HIVEP1: variants seen among roughly 807,000 people sequenced by gnomAD.
HIVEP1 encodes HIVEP zinc finger 1.
HIVEP1 carries 36 observed loss-of-function variants against 180.0 expected under a neutral mutation model. That is an observed-to-expected ratio of 0.20 (90% CI 0.15 to 0.26). The LOEUF is 0.26. Ranked by LOEUF, HIVEP1 falls within the 10% of genes least tolerant of loss-of-function variation. The probability of loss-of-function intolerance (pLI) is 1.00; values close to 1 mark genes in which losing one functional copy is unlikely to be tolerated. For missense variants in HIVEP1, 3,143 were observed against 3,268.7 expected (o/e 0.96, Z 0.94); for synonymous variants, 1,239 against 1,239.0 (o/e 1.00, Z 0.00).
At chr6:12,039,744 C>T (rs1769546013) in intron 2 of HIVEP1, among the ~76,000 whole-genome samples, 1 of 152,160 alleles carries the variant, frequency 6.6e-6, no homozygotes, top group South Asian at 2.1e-4. Context: ...AGGTTGCTGT[C>T]ATAACCCCCA....
rs545619221 is a variant in HIVEP1, at chr6:12,091,750, A to G, written c.94+2513A>G. Among the ~76,000 whole-genome samples, 171 of 152,210 alleles carry G rather than the reference A, an allele frequency of 1.1e-3. No homozygotes were observed. In the South Asian group the frequency reaches 0.013, roughly 12 times the overall value. On this transcript the variant is annotated intron_variant, in intron 3 of 8. Transcript: ENST00000379388. ...ATTTGATTTATTTTGATTTTAATCAATTTAGGGATAGAGATAAGGATGCAA... is the reference window on the plus strand; with the variant it reads ...ATTTGATTTATTTTGATTTTAATCAGTTTAGGGATAGAGATAAGGATGCAA...
At position 12,084,414 on chromosome 6, in the gene HIVEP1, T is replaced by C. The variant is rs181149479; in HGVS notation, c.41-4770T>C. On this transcript the variant is annotated intron_variant, in intron 2 of 8. Coordinates refer to ENST00000379388, the MANE Select transcript of HIVEP1 (RefSeq NM_002114.4). ...GAGATGTGAAACTCGGAGGTTAAAA[T>C]GGGTTGATTGTAAAGGTGGGTTTAC... Among the ~76,000 whole-genome samples, 89 of 152,228 alleles carry C rather than the reference T, an allele frequency of 5.8e-4. No homozygotes were observed. In the East Asian group the frequency reaches 0.014, roughly 23 times the overall value.
intron 2 of HIVEP1, among the ~76,000 whole-genome samples, chr6:12,033,444 C>A (rs1033987170): frequency 1.3e-5 from 2 of 152,078 alleles, no homozygotes; most frequent in Non-Finnish European, 2.9e-5. Context: ...AAAGCAAGGT[C>A]TCTAAGAGAG....
chr6:12,209,817 T>G, the HIVEP1 span, among the ~76,000 whole-genome samples: 2 of 152,234 alleles, frequency 1.3e-5, no homozygotes, highest in Non-Finnish European at 2.9e-5. Context: ...AATATTCCTG[T>G]GTGGTTAAAA....
intron 7 of HIVEP1, among the ~76,000 whole-genome samples, chr6:12,153,224 G>A (rs1189281219): frequency 6.6e-6 from 1 of 152,034 alleles, no homozygotes; most frequent in Non-Finnish European, 1.5e-5. Context: ...ATATTTATAA[G>A]GTAGCTTATT....
intron 7 of HIVEP1, among the ~76,000 whole-genome samples, chr6:12,146,660 A>G (rs570627959): frequency 6.6e-6 from 1 of 152,186 alleles, no homozygotes; most frequent in Admixed American, 6.5e-5. Flanking sequence ...AGGTAATTCA[A>G]GTTTTTTGAC....
intron 3 of HIVEP1, among the ~76,000 whole-genome samples, chr6:12,094,672 G>A (rs143262036): frequency 0.01 from 1,590 of 151,990 alleles, 27 homozygotes; most frequent in African/African-American, 0.036. Flanking sequence ...CTTAATCACT[G>A]CTAGATTTGA....
chr6:12,020,890 CTT>C lies in HIVEP1; in HGVS notation c.40+5239_40+5240del, dbSNP rs70981658. 1.3e-3 allele frequency among the ~76,000 whole-genome samples: 137 copies of C among 105,766 alleles called. 1 individual carries two copies. The highest frequency in any genetic ancestry group is 4.7e-3 in the African/African-American group (131 of 28,022). 69.4% of individuals were successfully genotyped at this position (105,766 alleles called of 152,430 possible). On this transcript the variant is annotated intron_variant, in intron 2 of 8. Coordinates refer to ENST00000379388, the MANE Select transcript of HIVEP1 (RefSeq NM_002114.4). The stretch of plus-strand genomic sequence containing the variant: ...GAGAACCAGATTTCTTTCTTTCTTT[CTT>C]TTTTTTTTTTTTTTTTGAGACGGAG...
At chr6:12,075,741 C>T (rs1388798166) in intron 2 of HIVEP1, among the ~76,000 whole-genome samples, 1 of 151,824 alleles carries the variant, frequency 6.6e-6, no homozygotes, top group East Asian at 1.9e-4. Context: ...TACTTCCACC[C>T]TCCCACATTG....
At position 12,163,703 on chromosome 6, in the gene HIVEP1, A is replaced by G. The variant is rs1760558317; in HGVS notation, c.7399A>G (p.Ile2467Val). 1 of 1,614,002 alleles carries G rather than the reference A, an allele frequency of 6.2e-7. No individual in the cohort carries two copies. The highest frequency in any genetic ancestry group is 1.3e-5 in the African/African-American group (1 of 74,892). Residue 2467 changes from isoleucine (I) to valine (V), a missense_variant, in exon 9 of 9, where the codon ATT (isoleucine) becomes GTT (valine). By Grantham distance (29) the Ile-to-Val change is conservative. Around this residue, in one of 12 missense-constraint regions of HIVEP1, gnomAD observed 595 missense variants for 602.2 expected, o/e 0.99. Coordinates refer to ENST00000379388, the MANE Select transcript of HIVEP1 (RefSeq NM_002114.4). ...VAELSSVVPC[I>V]PIGQIRVPGL... Reference sequence around the variant, plus strand: ...TGAATTAAGCAGTGTTGTGCCATGTATTCCTATCGGCCAAATCCGCGTGCC... The same window carrying G: ...TGAATTAAGCAGTGTTGTGCCATGTGTTCCTATCGGCCAAATCCGCGTGCC...
chr6:12,165,414 A>G (rs145944817), downstream of HIVEP1, among the ~76,000 whole-genome samples: 263 of 152,286 alleles, frequency 1.7e-3, 1 homozygote, highest in African/African-American at 5.9e-3. Context: ...TTCGTGGGCT[A>G]TGGGCTCTTC....
intron 7 of HIVEP1, among the ~76,000 whole-genome samples, chr6:12,160,920 C>G (rs1256385861): frequency 1.3e-5 from 2 of 152,100 alleles, no homozygotes; most frequent in Admixed American, 6.6e-5. Context: ...AGATAAAAGT[C>G]CTTTTCTTTC....
Position 12,122,788 on chromosome 6 carries a change from A to G in HIVEP1, c.2993A>G (p.Glu998Gly). 6.2e-7 allele frequency: 1 copy of G among 1,612,986 alleles called. No homozygotes were observed. Among genetic ancestry groups the G allele is most frequent in the East Asian group, 2.2e-5 (1 of 44,882 alleles). ...ACAAAGGTAGCCATGAGAGAACCTGAGCACAGCCCTGTGCCCGGCGGTCTG... is the reference window on the plus strand; with the variant it reads ...ACAAAGGTAGCCATGAGAGAACCTGGGCACAGCCCTGTGCCCGGCGGTCTG... ...PKTKVAMREP[E>G]HSPVPGGLQP... The change falls in exon 4 of 9, where the codon GAG becomes GGG. Residue 998 changes from glutamate (E) to glycine (G), a missense_variant. Around this residue, in one of 12 missense-constraint regions of HIVEP1, gnomAD observed 1,357 missense variants for 1,260.5 expected, o/e 1.08. Transcript: ENST00000379388.
At chr6:12,131,679 T>C (rs1393314409) in intron 6 of HIVEP1, among the ~76,000 whole-genome samples, 2 of 150,796 alleles carry the variant, frequency 1.3e-5, no homozygotes, top group Non-Finnish European at 2.9e-5. Context: ...TCATGAACAA[T>C]TTATTACTTG....
At chr6:12,189,525 A>G in the HIVEP1 span, among the ~76,000 whole-genome samples, 398 of 152,282 alleles carry the variant, frequency 2.6e-3, 3 homozygotes, top group African/African-American at 9.2e-3. Context: ...GCATCTTTGA[A>G]AAATGTTCTA....
intron 2 of HIVEP1, among the ~76,000 whole-genome samples, chr6:12,015,991 T>C (rs1437206431): frequency 6.6e-6 from 1 of 151,912 alleles, no homozygotes; most frequent in Non-Finnish European, 1.5e-5. Context: ...TGGTTAAATA[T>C]TCTTTGCCAA....
chr6:12,112,742 T>A (rs1287045266), intron 3 of HIVEP1, among the ~76,000 whole-genome samples: 2 of 151,802 alleles, frequency 1.3e-5, no homozygotes, highest in African/African-American at 4.8e-5. Flanking sequence ...GGCTTCTGGA[T>A]GGGGTGGGGA....
At chr6:12,018,409 G>A (rs901010760) in intron 2 of HIVEP1, among the ~76,000 whole-genome samples, 2 of 152,244 alleles carry the variant, frequency 1.3e-5, no homozygotes, top group Non-Finnish European at 2.9e-5. Context: ...CGCCGAGAGC[G>A]AGTGAGGGCT....
At chr6:12,053,480 A>AT (rs1487712365) in intron 2 of HIVEP1, among the ~76,000 whole-genome samples, 1 of 152,152 alleles carries the variant, frequency 6.6e-6, no homozygotes, top group African/African-American at 2.4e-5. Flanking sequence ...AATTAACTAA[A>AT]ATTTTAGGAT....
Sources: gnomAD v4.1 joint callset for allele counts (sites outside exome capture counted in the v4.1 genomes callset) on GRCh38, gnomAD v4.1.1 for gene constraint, gnomAD v4.1.1 regional missense constraint, MANE v1.5 for transcripts, NCBI Gene and HGNC (gene_info 2026-07-23, HGNC 2026-07-21) for gene names.